The following ENAH variants were observed in gnomAD, a reference collection of about 807,000 sequenced individuals.
ENAH encodes ENAH actin regulator, also known as protein enabled homolog.
In ENAH, 23 loss-of-function variants were observed where a neutral mutation model predicts 78.7. The observed-to-expected ratio is 0.29, with a 90% CI of 0.21 to 0.41. The LOEUF (loss-of-function observed/expected upper bound fraction) is 0.41, where lower values mean the gene tolerates loss of function less well. Ranked by LOEUF, ENAH falls within the 10% of genes least tolerant of loss-of-function variation. The pLI, the probability that ENAH is intolerant of heterozygous loss-of-function variation, is 1.00. For missense variants in ENAH, 544 were observed against 691.0 expected (o/e 0.79, Z 2.39); for synonymous variants, 226 against 241.0 (o/e 0.94, Z 0.58).
chr1:225,633,878 C>T (rs1007676745), intron 1 of ENAH, among the ~76,000 whole-genome samples: 8 of 152,150 alleles, frequency 5.3e-5, no homozygotes, highest in African/African-American at 1.9e-4. Context: ...TACCCTGTGG[C>T]ATGCATGTTT....
chr1:225,521,499 G>A (rs1275153532), intron 4 of ENAH, among the ~76,000 whole-genome samples: 1 of 151,900 alleles, frequency 6.6e-6, no homozygotes, highest in African/African-American at 2.4e-5. Context: ...AAATTAGCTG[G>A]GCGTGGTGGT....
At chr1:225,644,063 T>C (rs566304939) in intron 1 of ENAH, among the ~76,000 whole-genome samples, 51 of 152,256 alleles carry the variant, frequency 3.3e-4, no homozygotes, top group Non-Finnish European at 5.6e-4. Flanking sequence ...CTTTTATATA[T>C]AATCATATGC....
At chr1:225,622,013 T>C (rs1413031700) in intron 1 of ENAH, among the ~76,000 whole-genome samples, 2 of 152,248 alleles carry the variant, frequency 1.3e-5, no homozygotes, top group Non-Finnish European at 2.9e-5. Flanking sequence ...AAACAATCTA[T>C]GTACTATCAT....
intron 1 of ENAH, among the ~76,000 whole-genome samples, chr1:225,620,508 T>C (rs910301621): frequency 1.4e-4 from 21 of 152,096 alleles, no homozygotes; most frequent in African/African-American, 3.9e-4. Context: ...CCAGCCTGGG[T>C]AATAAGAGCA....
chr1:225,637,563 T>C (rs565489691), intron 1 of ENAH, among the ~76,000 whole-genome samples: 1 of 152,130 alleles, frequency 6.6e-6, no homozygotes, highest in Non-Finnish European at 1.5e-5. Flanking sequence ...CCACACATTA[T>C]GAAGGGAAGG....
chr1:225,512,505 A>G (rs2151116385), intron 9 of ENAH, 152 bp downstream of exon 9: 1 of 699,054 alleles, frequency 1.4e-6, no homozygotes, highest in East Asian at 2.9e-5. Flanking sequence ...ATAACAGTCA[A>G]AACAAGCCAC....
chr1:225,572,404 T>C (rs867865785), intron 1 of ENAH, among the ~76,000 whole-genome samples: 5 of 152,090 alleles, frequency 3.3e-5, no homozygotes, highest in East Asian at 3.8e-4. Context: ...CAAACATAAC[T>C]TATTTAAAAT....
At position 225,586,414 on chromosome 1, in the gene ENAH, T is replaced by C. The variant is rs74319848; in HGVS notation, c.6-19000A>G. Among the ~76,000 whole-genome samples the C allele has an allele frequency of 1.9e-3, 291 of 152,014 alleles. 6 individuals are homozygous for C. The East Asian group carries it at 0.047, about 25-fold the overall frequency. On this transcript the variant is annotated intron_variant, in intron 1 of 13. Transcript: ENST00000366843. ...GGTTTCACTAGTGAATTGTGTCAAATAGCTCAGGAAAAAACAGCCCTGATA... is the reference window on the plus strand; with the variant it reads ...GGTTTCACTAGTGAATTGTGTCAAACAGCTCAGGAAAAAACAGCCCTGATA...
rs2096447649 is a variant in ENAH at position 225,519,337 on chromosome 1, G to A, written c.663C>T (p.Arg221=). Reference sequence around the variant, plus strand: ...GTCTTTCTTGCCTCTCCCGATCCAGGCGTTCCTGCCGCTCCAGGCGTTCCT... The same window carrying A: ...GTCTTTCTTGCCTCTCCCGATCCAGACGTTCCTGCCGCTCCAGGCGTTCCT... The part of the protein sequence containing the change: ...ERQERLERQE[R]LDRERQERQE... Residue 221 remains arginine (R), a synonymous_variant, in exon 5 of 14, where the codon CGC becomes CGT. Transcript: ENST00000366843. The A allele has an allele frequency of 6.8e-7, 1 of 1,480,028 alleles. No individual in the cohort carries two copies. Among genetic ancestry groups the A allele is most frequent in the Non-Finnish European group, 9.1e-7 (1 of 1,093,840 alleles). The allele number at this position is 1,480,028 out of a possible 1,614,324, so 91.7% of individuals were successfully genotyped here. A position where few individuals can be genotyped will look rare whatever the true frequency, so the allele number is the denominator to read the frequency against.
intron 11 of ENAH, among the ~76,000 whole-genome samples, chr1:225,504,570 T>A (rs2096310762): frequency 6.6e-6 from 1 of 152,222 alleles, no homozygotes; most frequent in Non-Finnish European, 1.5e-5. Context: ...TCCAAGATAA[T>A]TTACTACAAA....
In ENAH at chr1:225,512,656, C is replaced by CA; in HGVS notation, c.1422dup (p.Glu475Ter). ...ATGGTAGACTATCTTTATTAACTTA[C>CA]ACCTTTGTCCTCTTTTTGTTCTGTT... is the stretch of plus-strand genomic sequence containing the variant. On this transcript the variant is annotated frameshift_variant and splice_region_variant. Transcript: ENST00000366843. LOFTEE classifies it high-confidence loss of function. The CA allele has an allele frequency of 6.2e-7, 1 of 1,612,454 alleles. No individual in the cohort carries two copies. Among genetic ancestry groups the CA allele is most frequent in the Non-Finnish European group, 8.5e-7 (1 of 1,179,034 alleles).
At chr1:225,528,793 A>G (rs2096524117) in intron 4 of ENAH, among the ~76,000 whole-genome samples, 1 of 152,044 alleles carries the variant, frequency 6.6e-6, no homozygotes, top group Admixed American at 6.6e-5. Flanking sequence ...TCTCAACCAA[A>G]CATCCTCAAA....
intron 1 of ENAH, among the ~76,000 whole-genome samples, chr1:225,573,112 G>C (rs2096771580): frequency 6.6e-6 from 1 of 152,204 alleles, no homozygotes; most frequent in Non-Finnish European, 1.5e-5. Context: ...TATTTAAGCA[G>C]ACTAAGGATT....
At chr1:225,591,755 A>C (rs1310301711) in intron 1 of ENAH, among the ~76,000 whole-genome samples, 1 of 123,470 alleles carries the variant, frequency 8.1e-6, no homozygotes, top group Non-Finnish European at 1.6e-5. Flanking sequence ...ACAGAGACAG[A>C]CTCCGTCTCA....
At chr1:225,619,302 G>A (rs1165943713) in intron 1 of ENAH, among the ~76,000 whole-genome samples, 1 of 152,066 alleles carries the variant, frequency 6.6e-6, no homozygotes, top group Non-Finnish European at 1.5e-5. Context: ...CAGCACTTTG[G>A]GAGGCCAAGG....
intron 3 of ENAH, among the ~76,000 whole-genome samples, chr1:225,546,364 A>G (rs945161105): frequency 1.3e-5 from 2 of 152,236 alleles, no homozygotes; most frequent in African/African-American, 4.8e-5. Flanking sequence ...ATAAAGCTAT[A>G]GTCATTTTCT....
rs954500800 is a variant in ENAH at position 225,499,232 on chromosome 1, C to T, written c.1618-828G>A. 3.3e-5 allele frequency among the ~76,000 whole-genome samples: 5 copies of T among 152,108 alleles called. No homozygotes were observed. The South Asian group carries it at 1.0e-3, about 32-fold the overall frequency. On this transcript the variant is annotated intron_variant, in intron 12 of 13. Transcript: ENST00000366843. ...CCAGGCACGGTGGCTCACGCCACTG[C>T]ACTCCAGCCTCGGCGACAAAGCGAG...
At chr1:225,630,448 G>A (rs1658803704) in intron 1 of ENAH, among the ~76,000 whole-genome samples, 2 of 152,118 alleles carry the variant, frequency 1.3e-5, no homozygotes, top group African/African-American at 4.8e-5. Context: ...GGGTTCTTAC[G>A]AAGATTAAAC....
At chr1:225,608,802 C>T (rs942359510) in intron 1 of ENAH, among the ~76,000 whole-genome samples, 14 of 106,076 alleles carry the variant, frequency 1.3e-4, no homozygotes, top group African/African-American at 2.2e-4. Context: ...GGCGACAGAG[C>T]GAGACTCTGT....
Sources: allele counts gnomAD v4.1 joint callset (sites outside exome capture counted in the v4.1 genomes callset), GRCh38; gene constraint gnomAD v4.1.1; transcripts MANE v1.5; gene names NCBI Gene and HGNC (gene_info 2026-07-23, HGNC 2026-07-21).